The following THTPA variants were observed in gnomAD, a reference collection of about 807,000 sequenced individuals.
THTPA encodes thiamine triphosphatase.
THTPA carries 16 observed loss-of-function variants against 16.5 expected under a neutral mutation model. The observed-to-expected ratio is 0.97, with a 90% CI of 0.66 to 1.47. The LOEUF is 1.47. Among genes scored for constraint, THTPA ranks in the 40% most tolerant of loss-of-function variants. The probability of loss-of-function intolerance (pLI) is 0.00; values close to 1 mark genes in which losing one functional copy is unlikely to be tolerated. For synonymous variants in THTPA, 110 were observed against 115.5 expected (o/e 0.95, Z 0.30); for missense variants, 281 against 280.9 (o/e 1.00, Z 0.00).
At chr14:23,558,566 G>A (rs536624514) in intron 1 of THTPA, 129 bp from the exon 2 acceptor site, 2 of 1,213,068 alleles carry the variant, frequency 1.6e-6, no homozygotes, top group African/African-American at 1.5e-5. Context: ...CAGAAGCTGG[G>A]TGGGTGACAT....
chr14:23,517,468 T>C, the THTPA span, among the ~76,000 whole-genome samples: 7 of 152,198 alleles, frequency 4.6e-5, no homozygotes, highest in African/African-American at 1.7e-4. Context: ...AAGGCATTTC[T>C]TCCCAACTCA....
the THTPA span, chr14:23,525,176 G>A: frequency 6.5e-7 from 1 of 1,536,140 alleles, no homozygotes. The surrounding 1 kb of genome is among the most constrained non-coding windows in gnomAD (Gnocchi z 5.9). Context: ...AGGCACCAGG[G>A]GAGGAAGATT....
chr14:23,533,236 G>A, the THTPA span: 1 of 1,435,664 alleles, frequency 7.0e-7, no homozygotes, highest in East Asian at 2.5e-5. The surrounding 1 kb of genome is among the most constrained non-coding windows in gnomAD (Gnocchi z 4.8). Flanking sequence ...GCACGGAATA[G>A]AGTTTGGCCC....
the THTPA span, chr14:23,535,371 TA>T: frequency 1.4e-6 from 2 of 1,437,230 alleles, no homozygotes; most frequent in East Asian, 5.0e-5. The surrounding 1 kb of genome is among the most constrained non-coding windows in gnomAD (Gnocchi z 4.5). Flanking sequence ...TGACAGCCAG[TA>T]CCCTGTAGGG....
chr14:23,552,424 C>A (rs998193276), upstream of THTPA, among the ~76,000 whole-genome samples: 1 of 151,586 alleles, frequency 6.6e-6, no homozygotes, highest in Admixed American at 6.6e-5. Flanking sequence ...TCCTAAGTAG[C>A]TGGGATTACA....
At chr14:23,521,910 G>T in the THTPA span, 1 of 1,531,664 alleles carries the variant, frequency 6.5e-7, no homozygotes. Context: ...ACCCCTTGGG[G>T]TAAAAGAGGG....
the THTPA span, chr14:23,534,164 G>C: frequency 3.4e-6 from 5 of 1,473,098 alleles, no homozygotes; most frequent in South Asian, 5.5e-5. This position sits in a 1 kb window ranked among gnomAD's most constrained non-coding sequence, Gnocchi z 4.5. Context: ...TGGTTGAGTG[G>C]GGGGCAGAGC....
At chr14:23,527,849 G>T in the THTPA span, 1 of 1,513,268 alleles carries the variant, frequency 6.6e-7, no homozygotes, top group East Asian at 2.5e-5. Context: ...AGGGAAGGAT[G>T]GGACCCACCA....
intron 1 of THTPA, 46 bp downstream of exon 1, chr14:23,557,350 C>T: frequency 6.6e-7 from 1 of 1,508,126 alleles, no homozygotes; most frequent in East Asian, 2.4e-5. Context: ...CCCCACTTTT[C>T]TCTTTTGGAG....
the THTPA span, chr14:23,533,265 G>A: frequency 7.0e-7 from 1 of 1,436,064 alleles, no homozygotes; most frequent in Non-Finnish European, 9.1e-7. The surrounding 1 kb of genome is among the most constrained non-coding windows in gnomAD (Gnocchi z 4.8). Flanking sequence ...AGAGAAGAGG[G>A]AAGAAGCACA....
the THTPA span, chr14:23,521,271 AG>A: frequency 1.3e-5 from 2 of 152,420 alleles, no homozygotes; most frequent in Non-Finnish European, 2.9e-5. Flanking sequence ...GGGAGAGGGT[AG>A]GAAGAGTGAA....
intron 1 of THTPA, among the ~76,000 whole-genome samples, chr14:23,557,577 A>C (rs1297536809): frequency 1.3e-5 from 2 of 152,164 alleles, no homozygotes; most frequent in Admixed American, 6.5e-5. Flanking sequence ...CAATTTTCTA[A>C]GTTTGCTTAC....
At chr14:23,554,743 A>T (rs902767732), upstream of THTPA, among the ~76,000 whole-genome samples, 2 of 152,036 alleles carry the variant, frequency 1.3e-5, no homozygotes, top group Admixed American at 1.3e-4. Flanking sequence ...CTCACTGGTC[A>T]TGTATTTCCA....
chr14:23,559,823 T>G lies in THTPA; in HGVS notation c.*983T>G. On this transcript the variant is annotated 3_prime_UTR_variant, in exon 2 of 2. Transcript: ENST00000288014. Reference sequence around the variant, plus strand: ...ACCGACTGGTGAAAGTGGTCGTAGGTGAGGCGCAGCTTTAGCCGCAGGGGG... The same window carrying G: ...ACCGACTGGTGAAAGTGGTCGTAGGGGAGGCGCAGCTTTAGCCGCAGGGGG... 6.2e-7 allele frequency: 1 copy of G among 1,614,102 alleles called. No individual in the cohort carries two copies. Among genetic ancestry groups the G allele is most frequent in the Non-Finnish European group, 8.5e-7 (1 of 1,180,014 alleles).
chr14:23,526,164 T>C, the THTPA span: 2 of 1,536,310 alleles, frequency 1.3e-6, no homozygotes, highest in South Asian at 2.4e-5. Flanking sequence ...AGGGTGGAGC[T>C]CTGGTTGTAG....
chr14:23,529,989 C>A, the THTPA span: 1 of 1,063,270 alleles, frequency 9.4e-7, no homozygotes, highest in Non-Finnish European at 1.4e-6. Context: ...GCCTCCCTTC[C>A]CCCTGATGAG....
At chr14:23,527,782 C>T in the THTPA span, 2 of 1,535,984 alleles carry the variant, frequency 1.3e-6, no homozygotes, top group East Asian at 2.4e-5. Context: ...GCTCAGGAAG[C>T]TGCAGTATGG....
chr14:23,524,260 C>T, the THTPA span: 1 of 1,536,384 alleles, frequency 6.5e-7, no homozygotes, highest in Admixed American at 2.0e-5. This position sits in a 1 kb window ranked among gnomAD's most constrained non-coding sequence, Gnocchi z 5.6. Context: ...TTTTGAGCCC[C>T]ACCTCCTCGG....
chr14:23,538,192 C>A, the THTPA span: 3 of 152,198 alleles, frequency 2.0e-5, no homozygotes, highest in Non-Finnish European at 4.4e-5. Context: ...AGACTCTGAT[C>A]GGCCGAGGGT....
Sources: gnomAD v4.1 joint callset for allele counts (sites outside exome capture counted in the v4.1 genomes callset) on GRCh38, gnomAD v4.1.1 for gene constraint, Gnocchi (gnomAD v3.1) non-coding constraint, MANE v1.5 for transcripts, NCBI Gene and HGNC (gene_info 2026-07-23, HGNC 2026-07-21) for gene names.